Variants in ASXL1 observed in about 807,000 individuals in gnomAD.
ASXL1 encodes ASXL transcriptional regulator 1, also known as polycomb group protein ASXL1.
Under a neutral mutation model 89.1 loss-of-function variants are expected in ASXL1, and 65 were observed. The ratio of observed to expected loss-of-function variants is 0.73; its 90% CI spans 0.60 to 0.90. The LOEUF (loss-of-function observed/expected upper bound fraction) is 0.90, where lower values mean the gene tolerates loss of function less well. ASXL1 is among the 40% of genes least tolerant of loss of function. ASXL1 has a pLI of 0.00. For synonymous variants in ASXL1, 739 were observed against 746.9 expected, an observed-to-expected ratio of 0.99 and a Z score of 0.17; for missense variants, 1,786 against 1,942.9, an observed-to-expected ratio of 0.92 and a Z score of 1.52.
At chr20:32,433,019 G>A (rs2123248670) in intron 11 of ASXL1, 34 bp downstream of exon 11, 1 of 1,611,068 alleles carries the variant, frequency 6.2e-7, no homozygotes, top group South Asian at 1.1e-5. Flanking sequence ...CCTGGTCTGG[G>A]GTTTTGAGGG....
intron 8 of ASXL1, 140 bp from the exon 9 acceptor site, chr20:32,431,181 G>C: frequency 9.9e-7 from 1 of 1,011,336 alleles, no homozygotes; most frequent in Non-Finnish European, 1.5e-6. Flanking sequence ...ATACAGGTTA[G>C]GATGGACTGG....
chr20:32,360,926 T>C (rs1367650637), intron 1 of ASXL1: 1 of 152,716 alleles, frequency 6.5e-6, no homozygotes, highest in East Asian at 1.9e-4. Flanking sequence ...TTTTTATTTT[T>C]AGTAAAGATG....
rs2049264301 is a variant in ASXL1 at position 32,422,025 on chromosome 20, C to G, written c.253-6103C>G. On this transcript the variant is annotated intron_variant, in intron 4 of 12. Coordinates refer to ENST00000375687, the MANE Select transcript of ASXL1 (RefSeq NM_015338.6). Reference sequence around the variant, plus strand: ...CTGGGACTACAGGCGACCGCCACCACTCCTGGCTAATTTTTTTTTTTTTTT... The same window carrying G: ...CTGGGACTACAGGCGACCGCCACCAGTCCTGGCTAATTTTTTTTTTTTTTT... 7.3e-5 allele frequency among the ~76,000 whole-genome samples: 11 copies of G among 150,840 alleles called. No individual in the cohort carries two copies. In the South Asian group the frequency reaches 2.3e-3, roughly 32 times the overall value.
chr20:32,359,848 T>G (rs2048080829), intron 1 of ASXL1: 1 of 717,424 alleles, frequency 1.4e-6, no homozygotes, highest in African/African-American at 1.7e-5. Context: ...TGAGACATAT[T>G]CGGGTAATTA....
intron 1 of ASXL1, among the ~76,000 whole-genome samples, chr20:32,364,765 A>T (rs1356532671): frequency 6.6e-6 from 1 of 152,208 alleles, no homozygotes; most frequent in Non-Finnish European, 1.5e-5. Context: ...CTCAGTCTAT[A>T]ACATGTAAGT....
At chr20:32,372,492 A>T in intron 4 of ASXL1, 1 of 851,676 alleles carries the variant, frequency 1.2e-6, no homozygotes, top group Non-Finnish European at 1.5e-6. Context: ...TCTGTATTTT[A>T]TTAATTACCC....
At chr20:32,390,307 A>G (rs931246849) in intron 4 of ASXL1, among the ~76,000 whole-genome samples, 2 of 152,230 alleles carry the variant, frequency 1.3e-5, no homozygotes, top group Admixed American at 6.5e-5. Flanking sequence ...ACTTTCATAT[A>G]CCATCGTAAA....
At chr20:32,389,666 A>G (rs958981366) in intron 4 of ASXL1, among the ~76,000 whole-genome samples, 2 of 152,030 alleles carry the variant, frequency 1.3e-5, no homozygotes, top group African/African-American at 4.8e-5. Context: ...GCTCACTGCA[A>G]CCTTTACTTA....
intron 12 of ASXL1, 97 bp from the exon 13 acceptor site, chr20:32,434,335 C>G: frequency 7.0e-7 from 1 of 1,422,014 alleles, no homozygotes; most frequent in Non-Finnish European, 9.9e-7. Context: ...TTCTGTATGC[C>G]ATGACCCTTA....
chr20:32,375,674 T>G (rs1600486381), intron 4 of ASXL1, among the ~76,000 whole-genome samples: 1 of 151,664 alleles, frequency 6.6e-6, no homozygotes. Flanking sequence ...TAGTTTGTTT[T>G]TTTTGTTTTG....
chr20:32,374,322 G>A (rs528465688), intron 4 of ASXL1, among the ~76,000 whole-genome samples: 1 of 152,096 alleles, frequency 6.6e-6, no homozygotes, highest in East Asian at 1.9e-4. Flanking sequence ...ACAGGGTCTC[G>A]CTCTGTGGCT....
In ASXL1 at chr20:32,433,661, C is replaced by T. The variant is rs781545960; in HGVS notation, c.1463C>T (p.Ser488Phe). The T allele has an allele frequency of 5.1e-5, 82 of 1,611,490 alleles. No homozygotes were observed. The highest frequency in any genetic ancestry group is 1.0e-4 in the Admixed American group (6 of 59,930). ...GAATTCCCAGTTGAGTCTGTGGCTT[C>T]TCGGATCCAGGCTGAGCCAGACAAC... ...GPEFPVESVASRIQAEPDNLA... is the reference protein window; with the variant it reads ...GPEFPVESVAFRIQAEPDNLA... The change falls in exon 12 of 13, where the codon TCT (serine) becomes TTT (phenylalanine). Residue 488 changes from serine to phenylalanine, a missense_variant. Physicochemically the swap from Ser to Phe is radical, Grantham distance 155. Around this residue, in one of 3 missense-constraint regions of ASXL1, gnomAD observed 1,418 missense variants for 1,427.8 expected, o/e 0.99. Transcript: ENST00000375687.
intron 4 of ASXL1, among the ~76,000 whole-genome samples, chr20:32,421,269 G>C (rs1458737788): frequency 4.0e-5 from 6 of 148,870 alleles, no homozygotes; most frequent in Non-Finnish European, 7.4e-5. Flanking sequence ...AAAAAAAAGT[G>C]CTCAACATCT....
At position 32,436,348 on chromosome 20, in the gene ASXL1, C is replaced by T. The variant is rs2011873461; in HGVS notation, c.3636C>T (p.Ser1212=). The part of the protein sequence containing the change: ...KNCKAVPSFD[S]LHPVTNPITS... ...GCAAGGCAGTCCCAAGTTTTGACTC[C>T]CTCCATCCAGTGACAAATCCCATTA... Residue 1212 remains serine (S), a synonymous_variant, in exon 13 of 13, where the codon TCC becomes TCT. Transcript: ENST00000375687. 6.2e-7 allele frequency: 1 copy of T among 1,613,816 alleles called. No individual in the cohort carries two copies. The highest frequency in any genetic ancestry group is 8.5e-7 in the Non-Finnish European group (1 of 1,180,022).
chr20:32,431,081 G>C, intron 8 of ASXL1: 1 of 672,292 alleles, frequency 1.5e-6, no homozygotes, highest in Non-Finnish European at 2.7e-6. Flanking sequence ...TTCAGGCTGT[G>C]ACACAGCACG....
At chr20:32,389,232 T>C (rs887558572) in intron 4 of ASXL1, among the ~76,000 whole-genome samples, 8 of 152,250 alleles carry the variant, frequency 5.3e-5, no homozygotes, top group African/African-American at 1.7e-4. Flanking sequence ...ATGTATTTTC[T>C]CTGATTTGCT....
intron 4 of ASXL1, among the ~76,000 whole-genome samples, chr20:32,395,741 T>G (rs2048750352): frequency 6.6e-6 from 1 of 152,226 alleles, no homozygotes; most frequent in African/African-American, 2.4e-5. Context: ...GTCTTTATCT[T>G]TCCCATGTTA....
chr20:32,415,887 C>T (rs1046598394), intron 4 of ASXL1, among the ~76,000 whole-genome samples: 7 of 151,952 alleles, frequency 4.6e-5, no homozygotes, highest in African/African-American at 1.7e-4. Flanking sequence ...TTATCCACAA[C>T]CCCCAAATAC....
rs2145360724 is a variant in ASXL1 at position 32,434,725 on chromosome 20, C to G, written c.2013C>G (p.Ala671=). The G allele has an allele frequency of 6.2e-7, 1 of 1,611,738 alleles. No homozygotes were observed. Among genetic ancestry groups the G allele is most frequent in the Non-Finnish European group, 8.5e-7 (1 of 1,179,328 alleles). The part of the protein sequence containing the change: ...RGSSSGDGGE[A]CGHPEPRGGP... ...GCAGCAGTGGTGATGGTGGTGAGGC[C>G]TGTGGCCACCCTGAGCCCAGGGGAG... Residue 671 remains alanine (A), a synonymous_variant, in exon 13 of 13, where the codon GCC becomes GCG. Transcript: ENST00000375687.
Sources: allele counts gnomAD v4.1 joint callset (sites outside exome capture counted in the v4.1 genomes callset), GRCh38; gene constraint gnomAD v4.1.1; regional missense constraint gnomAD v4.1.1; transcripts MANE v1.5; gene names NCBI Gene and HGNC (gene_info 2026-07-23, HGNC 2026-07-21).